The following ROR1 variants were observed in gnomAD, a reference collection of about 807,000 sequenced individuals.
ROR1 encodes the protein inactive tyrosine-protein kinase transmembrane receptor ROR1.
In ROR1, 19 loss-of-function variants were observed where a neutral mutation model predicts 78.8. That is an observed-to-expected ratio of 0.24 (90% CI 0.17 to 0.35). ROR1 has a LOEUF of 0.35. Among genes scored for constraint, ROR1 ranks in the 10% least tolerant of loss-of-function variants. ROR1 has a pLI of 1.00. For missense variants in ROR1, 917 were observed against 1,177.8 expected (o/e 0.78, Z 3.24); for synonymous variants, 386 against 433.6 (o/e 0.89, Z 1.36).
intron 4 of ROR1, among the ~76,000 whole-genome samples, chr1:64,091,961 T>G (rs540249658): frequency 2.6e-5 from 4 of 152,306 alleles, no homozygotes; most frequent in East Asian, 3.9e-4. Context: ...GTTGAAGTCA[T>G]TTTATTCAGT....
intron 4 of ROR1, among the ~76,000 whole-genome samples, chr1:64,076,542 C>G (rs943545403): frequency 5.3e-5 from 8 of 152,116 alleles, no homozygotes; most frequent in Admixed American, 2.0e-4. Context: ...ACAAAATTGG[C>G]ATGCAGCCAT....
intron 1 of ROR1, among the ~76,000 whole-genome samples, chr1:63,930,125 C>A: frequency 6.6e-6 from 1 of 152,134 alleles, no homozygotes; most frequent in South Asian, 2.1e-4. Context: ...AGCCCCCCAC[C>A]CGCTGACAGG....
At chr1:63,957,707 C>T (rs1009714833) in intron 1 of ROR1, among the ~76,000 whole-genome samples, 5 of 151,312 alleles carry the variant, frequency 3.3e-5, no homozygotes, top group Non-Finnish European at 7.4e-5. Flanking sequence ...GTAACTTGCT[C>T]TTTAACCAAT....
chr1:64,038,899 T>C (rs1437940568), intron 2 of ROR1, among the ~76,000 whole-genome samples: 1 of 152,200 alleles, frequency 6.6e-6, no homozygotes, highest in African/African-American at 2.4e-5. Flanking sequence ...GCCTTGTGTG[T>C]TGAATTGATT....
intron 1 of ROR1, among the ~76,000 whole-genome samples, chr1:63,887,887 T>C (rs1645368101): frequency 6.6e-6 from 1 of 152,174 alleles, no homozygotes; most frequent in Admixed American, 6.5e-5. Flanking sequence ...TTCTGAACAT[T>C]TTACTTCATT....
At chr1:63,948,224 C>T (rs1300585923) in intron 1 of ROR1, among the ~76,000 whole-genome samples, 1 of 152,082 alleles carries the variant, frequency 6.6e-6, no homozygotes, top group East Asian at 1.9e-4. Context: ...ATCCTCTACA[C>T]ATTTCTATTT....
intron 1 of ROR1, among the ~76,000 whole-genome samples, chr1:63,786,393 C>T (rs1002795820): frequency 6.6e-6 from 1 of 150,386 alleles, no homozygotes; most frequent in Non-Finnish European, 1.5e-5. Flanking sequence ...CTGCCTCAGC[C>T]TCCTCAGTAG....
chr1:64,017,415 A>G lies in ROR1; in HGVS notation c.163+8039A>G, dbSNP rs548656798. On this transcript the variant is annotated intron_variant, in intron 2 of 8. Coordinates refer to ENST00000371079, the MANE Select transcript of ROR1 (RefSeq NM_005012.4). ...GGTATTAATCCTTTTTGACAAGTCTATTCACTTTAGGGAAAGGCATTGGCA... is the reference window on the plus strand; with the variant it reads ...GGTATTAATCCTTTTTGACAAGTCTGTTCACTTTAGGGAAAGGCATTGGCA... Among the ~76,000 whole-genome samples, 17 of 152,234 alleles carry G rather than the reference A, an allele frequency of 1.1e-4. No homozygotes were observed. In the East Asian group the frequency reaches 2.7e-3, roughly 24 times the overall value.
intron 2 of ROR1, among the ~76,000 whole-genome samples, chr1:64,038,664 T>C (rs1646722440): frequency 6.6e-6 from 1 of 152,202 alleles, no homozygotes; most frequent in African/African-American, 2.4e-5. Flanking sequence ...GATCACACTT[T>C]ATCATGATTA....
intron 8 of ROR1, among the ~76,000 whole-genome samples, chr1:64,172,954 C>T (rs1650280226): frequency 6.6e-6 from 1 of 152,166 alleles, no homozygotes; most frequent in Non-Finnish European, 1.5e-5. Flanking sequence ...CAGCTAATTT[C>T]CTGCCATCAC....
rs1361396321 is a variant in ROR1 at position 63,909,249 on chromosome 1, T to C, written c.92-100056T>C. The stretch of plus-strand genomic sequence containing the variant: ...CCTCAGCTCCTTCTTTTCTCTTTTT[T>C]AACTTAGGAAACTGAGCTGATGGTC... On this transcript the variant is annotated intron_variant, in intron 1 of 8. Transcript: ENST00000371079. 3.3e-5 allele frequency among the ~76,000 whole-genome samples: 5 copies of C among 152,204 alleles called. No individual in the cohort carries two copies. The East Asian group carries it at 9.6e-4, about 29-fold the overall frequency.
At chr1:64,033,947 A>G (rs1344965883) in intron 2 of ROR1, among the ~76,000 whole-genome samples, 1 of 152,216 alleles carries the variant, frequency 6.6e-6, no homozygotes, top group South Asian at 2.1e-4. Flanking sequence ...AGGTCCACCC[A>G]TCTCTTTACT....
At chr1:63,848,725 G>A (rs903669034) in intron 1 of ROR1, among the ~76,000 whole-genome samples, 4 of 152,118 alleles carry the variant, frequency 2.6e-5, no homozygotes, top group African/African-American at 7.2e-5. Flanking sequence ...TGGCAAAAAC[G>A]TCTGGTAGTG....
chr1:64,139,452 C>T (rs780376000), intron 5 of ROR1, among the ~76,000 whole-genome samples: 2 of 152,092 alleles, frequency 1.3e-5, no homozygotes, highest in Non-Finnish European at 1.5e-5. Flanking sequence ...TTGTCAATAG[C>T]GGTATTCAAA....
At chr1:63,822,526 A>C (rs1644929631) in intron 1 of ROR1, among the ~76,000 whole-genome samples, 1 of 152,218 alleles carries the variant, frequency 6.6e-6, no homozygotes, top group African/African-American at 2.4e-5. Flanking sequence ...AATTGAGACA[A>C]TAATTATTTT....
chr1:63,858,131 T>C (rs1031394673), intron 1 of ROR1, among the ~76,000 whole-genome samples: 3 of 152,234 alleles, frequency 2.0e-5, no homozygotes, highest in Admixed American at 6.5e-5. Flanking sequence ...ATGGAGTTAT[T>C]GTATCTGTAT....
chr1:64,107,883 T>C (rs1047596063), intron 4 of ROR1, among the ~76,000 whole-genome samples: 7 of 152,120 alleles, frequency 4.6e-5, no homozygotes, highest in African/African-American at 1.7e-4. Context: ...TACCTCTGTG[T>C]TCTGAGGGAG....
intron 1 of ROR1, among the ~76,000 whole-genome samples, chr1:63,794,653 A>G (rs1644748208): frequency 6.6e-6 from 1 of 152,196 alleles, no homozygotes; most frequent in African/African-American, 2.4e-5. Context: ...GGTCTTCTTC[A>G]ATTTCCTCAT....
At chr1:63,833,671 T>A (rs1331206529) in intron 1 of ROR1, among the ~76,000 whole-genome samples, 2 of 152,120 alleles carry the variant, frequency 1.3e-5, no homozygotes, top group East Asian at 1.9e-4. Flanking sequence ...TTTTCATTTT[T>A]TTTTTTCCTT....
Sources: allele counts gnomAD v4.1 joint callset (sites outside exome capture counted in the v4.1 genomes callset), GRCh38; gene constraint gnomAD v4.1.1; transcripts MANE v1.5; gene names NCBI Gene and HGNC (gene_info 2026-07-23, HGNC 2026-07-21).